Variants in MYL1 observed in about 807,000 individuals in gnomAD.
MYL1 encodes the protein myosin light chain 1/3, skeletal muscle isoform.
MYL1 carries 16 observed loss-of-function variants against 21.8 expected under a neutral mutation model. The ratio of observed to expected loss-of-function variants is 0.74; its 90% CI spans 0.50 to 1.12. The LOEUF (loss-of-function observed/expected upper bound fraction) is 1.12. MYL1 is among the 50% of genes most tolerant of loss of function. MYL1 has a pLI of 0.00. For synonymous variants in MYL1, 99 were observed against 85.2 expected (o/e 1.16, Z -0.89); for missense variants, 246 against 241.0 (o/e 1.02, Z -0.14).
chr2:210,294,525 A>G (rs1008883153), intron 3 of MYL1, 107 bp from the exon 4 acceptor site: 1 of 1,036,398 alleles, frequency 9.6e-7, no homozygotes, highest in Non-Finnish European at 1.4e-6. Flanking sequence ...ACCTTCACAC[A>G]GCTTAAATTT....
intron 3 of MYL1, among the ~76,000 whole-genome samples, chr2:210,296,742 A>G (rs563122281): frequency 2.2e-4 from 33 of 152,156 alleles, no homozygotes; most frequent in African/African-American, 7.9e-4. Flanking sequence ...TATTCATCCA[A>G]TCTAGCTATA....
At chr2:210,309,175 A>C (rs753106201) in intron 1 of MYL1, among the ~76,000 whole-genome samples, 1 of 152,076 alleles carries the variant, frequency 6.6e-6, no homozygotes, top group Non-Finnish European at 1.5e-5. Context: ...TGAGTTTTCT[A>C]TCCTTTTGTC....
intron 3 of MYL1, 113 bp from the exon 4 acceptor site, chr2:210,294,531 A>C: frequency 1.1e-6 from 1 of 951,728 alleles, no homozygotes; most frequent in East Asian, 2.6e-5. Flanking sequence ...ACACAGCTTA[A>C]ATTTCAGCTG....
chr2:210,298,309 C>T, intron 3 of MYL1, 111 bp downstream of exon 3: 1 of 1,227,854 alleles, frequency 8.1e-7, no homozygotes, highest in Non-Finnish European at 1.1e-6. Flanking sequence ...CTCTCTCTCA[C>T]ACACACACAT....
At chr2:210,302,684 T>C in intron 1 of MYL1, 169 bp from the exon 2 acceptor site, 1 of 1,523,372 alleles carries the variant, frequency 6.6e-7, no homozygotes, top group South Asian at 1.2e-5. Flanking sequence ...AGCCATAGTG[T>C]AACATGCCTT....
chr2:210,300,058 AC>A (rs112353352), intron 2 of MYL1, among the ~76,000 whole-genome samples: 60,607 of 151,846 alleles, frequency 0.4, 12,207 homozygotes, highest in Admixed American at 0.5. Context: ...AAGCTAAAAA[AC>A]TTGCTGCAGG....
intron 5 of MYL1, among the ~76,000 whole-genome samples, chr2:210,292,926 T>C (rs572514947): frequency 3.3e-5 from 5 of 152,312 alleles, no homozygotes; most frequent in African/African-American, 7.2e-5. Flanking sequence ...GGGAAAAAAG[T>C]GAAGTTTAAT....
chr2:210,293,886 G>T, intron 4 of MYL1, 86 bp from the exon 5 acceptor site: 1 of 1,149,678 alleles, frequency 8.7e-7, no homozygotes, highest in Non-Finnish European at 1.3e-6. Context: ...GGGCTCTGGA[G>T]ACTAAACTCT....
At chr2:210,308,317 AGTT>A (rs1213332043) in intron 1 of MYL1, among the ~76,000 whole-genome samples, 2 of 148,916 alleles carry the variant, frequency 1.3e-5, no homozygotes, top group African/African-American at 5.0e-5. Flanking sequence ...AAGTCTTAGG[AGTT>A]CTGTGCTTCA....
At position 210,298,550 on chromosome 2, in the gene MYL1, T is replaced by G. The variant is rs1690216301; in HGVS notation, c.174A>C (p.Ala58=). The part of the protein sequence containing the change: ...SKEQQDEFKE[A]FLLFDRTGDS... ...CACCTGTTCTGTCAAACAGGAGAAATGCCTCCTTGAATTCTGCAAAAAGCA... is the reference window on the plus strand; with the variant it reads ...CACCTGTTCTGTCAAACAGGAGAAAGGCCTCCTTGAATTCTGCAAAAAGCA... Residue 58 remains alanine, a synonymous_variant, in exon 3 of 7, where the codon GCA becomes GCC. Coordinates refer to ENST00000352451, the MANE Select transcript of MYL1 (RefSeq NM_079420.3). 2 of 1,613,984 alleles carry G rather than the reference T, an allele frequency of 1.2e-6. No homozygotes were observed. Among genetic ancestry groups the G allele is most frequent in the African/African-American group, 1.3e-5 (1 of 75,038 alleles).
Position 210,293,799 on chromosome 2 carries a change from A to T in MYL1, c.480T>A (p.Gly160=), listed in dbSNP as rs769495546. Residue 160 remains glycine (G), a splice_region_variant and synonymous_variant, in exon 5 of 7, where the codon GGT becomes GGA. Transcript: ENST00000352451. ...AELRHVLATL[G]EKMKEEEVEA... is the part of the protein sequence containing the mutation. ...CCACTTCTTCCTCTTTCATCTTTTC[A>T]CCTGATGAAACAAAACTCTCCTTTC... 4 of 1,613,652 alleles carry T rather than the reference A, an allele frequency of 2.5e-6. No individual in the cohort carries two copies.
intron 1 of MYL1, among the ~76,000 whole-genome samples, chr2:210,311,197 A>G (rs11686587): frequency 0.11 from 17,188 of 152,052 alleles, 1,170 homozygotes; most frequent in African/African-American, 0.18. Flanking sequence ...TTCTAAAGGA[A>G]ACTGGATTTA....
intron 5 of MYL1, among the ~76,000 whole-genome samples, chr2:210,291,300 A>G (rs1372587705): frequency 2.0e-5 from 3 of 152,082 alleles, no homozygotes; most frequent in Admixed American, 2.0e-4. Context: ...ATTCACATAC[A>G]TTTTTATTTT....
At chr2:210,296,704 A>G (rs1184301873) in intron 3 of MYL1, among the ~76,000 whole-genome samples, 1 of 152,058 alleles carries the variant, frequency 6.6e-6, no homozygotes, top group Non-Finnish European at 1.5e-5. Flanking sequence ...GGACTAGAGC[A>G]CTAGAATTTA....
intron 4 of MYL1, 86 bp from the exon 5 acceptor site, chr2:210,293,886 G>C (rs1690125098): frequency 2.6e-6 from 3 of 1,149,680 alleles, no homozygotes; most frequent in Non-Finnish European, 3.9e-6. Flanking sequence ...GGGCTCTGGA[G>C]ACTAAACTCT....
chr2:210,291,918 A>G (rs2125737978), intron 5 of MYL1, among the ~76,000 whole-genome samples: 1 of 152,312 alleles, frequency 6.6e-6, no homozygotes, highest in Non-Finnish European at 1.5e-5. Flanking sequence ...TAGTAGTACC[A>G]CACCATAACC....
intron 1 of MYL1, among the ~76,000 whole-genome samples, chr2:210,309,161 G>A (rs1473502673): frequency 6.6e-6 from 1 of 152,016 alleles, no homozygotes; most frequent in Non-Finnish European, 1.5e-5. Context: ...TTTCTACAAT[G>A]TTGTGAGTTT....
chr2:210,303,460 TGCC>T, intron 1 of MYL1: 1 of 1,365,710 alleles, frequency 7.3e-7, no homozygotes, highest in Admixed American at 1.9e-5. Context: ...GTTCCATTTT[TGCC>T]TATCTTTCTT....
At chr2:210,302,545 G>A (rs1690279841) in intron 1 of MYL1, 30 bp from the exon 2 acceptor site, 2 of 1,601,066 alleles carry the variant, frequency 1.2e-6, no homozygotes, top group African/African-American at 2.7e-5. Context: ...CACAAAGAAT[G>A]TTTTAACCAA....
Sources: gnomAD v4.1 joint callset for allele counts (sites outside exome capture counted in the v4.1 genomes callset) on GRCh38, gnomAD v4.1.1 for gene constraint, MANE v1.5 for transcripts, NCBI Gene and HGNC (gene_info 2026-07-23, HGNC 2026-07-21) for gene names.